SNX31: variants seen among roughly 807,000 people sequenced by gnomAD.
SNX31 encodes the protein sorting nexin 31.
In SNX31, 58 loss-of-function variants were observed where a neutral mutation model predicts 65.4. That is an observed-to-expected ratio of 0.89 (90% CI 0.72 to 1.10). The LOEUF is 1.10. Ranked by LOEUF, SNX31 falls within the 50% of genes least tolerant of loss-of-function variation. The probability of loss-of-function intolerance (pLI) is 0.00; values close to 1 mark genes in which losing one functional copy is unlikely to be tolerated. For missense variants in SNX31, 523 were observed against 529.7 expected, an observed-to-expected ratio of 0.99 and a Z score of 0.12; for synonymous variants, 181 against 190.1, an observed-to-expected ratio of 0.95 and a Z score of 0.39.
chr8:100,583,194 T>G (rs2130809340), intron 12 of SNX31, among the ~76,000 whole-genome samples: 1 of 151,566 alleles, frequency 6.6e-6, no homozygotes, highest in Non-Finnish European at 1.5e-5. Flanking sequence ...GCAACCTCTG[T>G]CTTCTGGGAT....
chr8:100,628,588 T>G lies in SNX31; in HGVS notation c.321+1739A>C, dbSNP rs547538210. 3.8e-3 allele frequency among the ~76,000 whole-genome samples: 519 copies of G among 135,748 alleles called. 5 individuals carry two copies. The highest frequency in any genetic ancestry group is 0.014 in the African/African-American group (497 of 35,374). The allele number at this position is 135,748 out of a possible 152,430, so 89.1% of individuals were successfully genotyped here. On this transcript the variant is annotated intron_variant, in intron 4 of 13. Coordinates refer to ENST00000311812, the MANE Select transcript of SNX31 (RefSeq NM_152628.4). ...GGGAACATCACACACTGGGGACTGT[T>G]GTGGGGTGGGGGGAAGGGGGAGGGA...
In SNX31 at chr8:100,588,055, A is replaced by G. The variant is rs1223063661; in HGVS notation, c.1092+811T>C. 6.6e-6 allele frequency among the ~76,000 whole-genome samples: 1 copy of G among 152,212 alleles called. No homozygotes were observed. The highest frequency in any genetic ancestry group is 2.4e-5 in the African/African-American group (1 of 41,454). ...TAAATTCTGAGGCAATTGTAACACA[A>G]TGATAAGTATGTGTATCACCTAAAC... On this transcript the variant is annotated intron_variant, in intron 11 of 13. Coordinates refer to ENST00000311812, the MANE Select transcript of SNX31 (RefSeq NM_152628.4). This position sits in a 1 kb window ranked among gnomAD's most constrained non-coding sequence, Gnocchi z 4.8.
In SNX31 at chr8:100,629,624, T is replaced by C. The variant is rs1314305529; in HGVS notation, c.321+703A>G. On this transcript the variant is annotated intron_variant, in intron 4 of 13. Coordinates refer to ENST00000311812, the MANE Select transcript of SNX31 (RefSeq NM_152628.4). The surrounding 1 kb of genome is among the most constrained non-coding windows in gnomAD (Gnocchi z 5.1). ...ATTCCTCCCCTGGCTAAGGATCCAG[T>C]TAACTAGTATCATATTACTGCGGAA... 4.6e-5 allele frequency among the ~76,000 whole-genome samples: 7 copies of C among 152,236 alleles called. No homozygotes were observed. Among genetic ancestry groups the C allele is most frequent in the African/African-American group, 1.7e-4 (7 of 41,456 alleles).
intron 5 of SNX31, 42 bp downstream of exon 5, chr8:100,617,578 C>T (rs867461411): frequency 1.5e-6 from 2 of 1,351,164 alleles, no homozygotes; most frequent in Non-Finnish European, 2.1e-6. Flanking sequence ...ACAGAACCAT[C>T]CCTAGATTCA....
In SNX31 at chr8:100,596,819, T is replaced by C; in HGVS notation, c.798A>G (p.Val266=). Residue 266 remains valine (V), a synonymous_variant, in exon 10 of 14, where the codon GTA becomes GTG. Transcript: ENST00000311812. ...QTKFLELARE[V]RHYGYLQLDP... ...CCAGCTGCAGGTATCCATAGTGCCG[T>C]ACCTCCCGGGCCAGCTCCAAAAACT... 1 of 1,613,736 alleles carries C rather than the reference T, an allele frequency of 6.2e-7. No homozygotes were observed. Among genetic ancestry groups the C allele is most frequent in the Non-Finnish European group, 8.5e-7 (1 of 1,180,018 alleles).
At chr8:100,635,853 C>T (rs924362547) in intron 3 of SNX31, 44 bp downstream of exon 3, 1 of 1,371,234 alleles carries the variant, frequency 7.3e-7, no homozygotes. Flanking sequence ...ATATAGCTTA[C>T]ATTGCAATAA....
rs1456869571 is a variant in SNX31 at position 100,649,638 on chromosome 8, C to A, written c.-124G>T. On this transcript the variant is annotated 5_prime_UTR_variant, in exon 1 of 14. Coordinates refer to ENST00000311812, the MANE Select transcript of SNX31 (RefSeq NM_152628.4). The stretch of plus-strand genomic sequence containing the variant: ...CCACGCGACTCAGAGCGAACCCCGG[C>A]GCCCGCTCTCGCCGGCCGGGGACAT... 1 of 896,300 alleles carries A rather than the reference C, an allele frequency of 1.1e-6. No individual in the cohort carries two copies. The highest frequency in any genetic ancestry group is 1.6e-6 in the Non-Finnish European group (1 of 608,774). 55.5% of individuals were successfully genotyped at this position (896,300 alleles called of 1,614,324 possible). A position where few individuals can be genotyped will look rare whatever the true frequency, so the allele number is the denominator to read the frequency against.
At chr8:100,580,592 A>T (rs1434262141) in intron 12 of SNX31, among the ~76,000 whole-genome samples, 1 of 152,216 alleles carries the variant, frequency 6.6e-6, no homozygotes, top group Non-Finnish European at 1.5e-5. Context: ...ACCCTGCTTC[A>T]TATTTTCCTC....
Position 100,584,103 on chromosome 8 carries a change from G to A in SNX31, c.1170+8C>T, listed in dbSNP as rs781158545. 2.5e-6 allele frequency: 4 copies of A among 1,600,794 alleles called. No homozygotes were observed. The highest frequency in any genetic ancestry group is 3.4e-6 in the Non-Finnish European group (4 of 1,174,320). ...AAGTGAAAAATAGACACAGATAAGA[G>A]CACTCACCATTTCTGTATTCTCAGC... On this transcript the variant is annotated splice_region_variant and intron_variant, in intron 12 of 13. Transcript: ENST00000311812.
At chr8:100,628,221 C>T (rs921610542) in intron 4 of SNX31, among the ~76,000 whole-genome samples, 2 of 152,050 alleles carry the variant, frequency 1.3e-5, no homozygotes, top group African/African-American at 4.8e-5. Context: ...ATCATTTGAC[C>T]CAGCCATCCC....
rs1812930547 is a variant in SNX31 at position 100,575,007 on chromosome 8, A to G, written c.1228-1047T>C. 6.6e-6 allele frequency among the ~76,000 whole-genome samples: 1 copy of G among 152,236 alleles called. No individual in the cohort carries two copies. On this transcript the variant is annotated intron_variant, in intron 13 of 13. Coordinates refer to ENST00000311812, the MANE Select transcript of SNX31 (RefSeq NM_152628.4). This position sits in a 1 kb window ranked among gnomAD's most constrained non-coding sequence, Gnocchi z 5.1. ...GGGTTACCGCAAATCTTTAAAGAGT[A>G]ATTTGCCTTCAGTACTTATGAAATC...
At chr8:100,652,428 C>T (rs1006860869), upstream of SNX31, among the ~76,000 whole-genome samples, 1 of 152,192 alleles carries the variant, frequency 6.6e-6, no homozygotes, top group Non-Finnish European at 1.5e-5. Flanking sequence ...TTTCTTCATT[C>T]AGGGAGTATT....
At chr8:100,636,704 T>C (rs961018065) in intron 2 of SNX31, among the ~76,000 whole-genome samples, 3 of 152,092 alleles carry the variant, frequency 2.0e-5, no homozygotes, top group African/African-American at 7.2e-5. Flanking sequence ...ATTACACAGG[T>C]GACTCATATT....
At chr8:100,611,653 T>G (rs1816721064) in intron 7 of SNX31, among the ~76,000 whole-genome samples, 1 of 152,188 alleles carries the variant, frequency 6.6e-6, no homozygotes, top group Admixed American at 6.5e-5. Context: ...TCTTCTGGGC[T>G]TAAGTGTGTC....
intron 2 of SNX31, among the ~76,000 whole-genome samples, chr8:100,637,587 C>T (rs898802097): frequency 2.0e-5 from 3 of 152,246 alleles, no homozygotes; most frequent in Non-Finnish European, 4.4e-5. Context: ...AAGTCACTAT[C>T]ATCTCTTTTC....
chr8:100,579,375 A>C (rs540878683), intron 12 of SNX31, among the ~76,000 whole-genome samples: 3 of 152,238 alleles, frequency 2.0e-5, no homozygotes, highest in African/African-American at 4.8e-5. Flanking sequence ...TTCATAATGC[A>C]GTATTCCTAT....
At chr8:100,645,318 G>A (rs564029822) in intron 2 of SNX31, among the ~76,000 whole-genome samples, 3 of 152,218 alleles carry the variant, frequency 2.0e-5, no homozygotes, top group South Asian at 4.1e-4. Flanking sequence ...CTTCTTTACA[G>A]TGCTCTGTGT....
intron 12 of SNX31, among the ~76,000 whole-genome samples, chr8:100,581,993 A>T (rs1018610801): frequency 1.3e-5 from 2 of 152,212 alleles, no homozygotes; most frequent in Non-Finnish European, 1.5e-5. Flanking sequence ...AATTTTCAAA[A>T]TGAAAGGTCT....
At chr8:100,652,579 G>A (rs960270407), upstream of SNX31, among the ~76,000 whole-genome samples, 2 of 152,112 alleles carry the variant, frequency 1.3e-5, no homozygotes, top group Non-Finnish European at 2.9e-5. Flanking sequence ...TAGTATTACA[G>A]AACAAATGCA....
Sources: gnomAD v4.1 joint callset for allele counts (sites outside exome capture counted in the v4.1 genomes callset) on GRCh38, gnomAD v4.1.1 for gene constraint, Gnocchi (gnomAD v3.1) non-coding constraint, MANE v1.5 for transcripts, NCBI Gene and HGNC (gene_info 2026-07-23, HGNC 2026-07-21) for gene names.